The following CA9 variants were observed in gnomAD, a reference collection of about 807,000 sequenced individuals.
CA9 encodes carbonic anhydrase 9.
A neutral mutation model predicts 51.8 loss-of-function variants in CA9; 43 were observed. The ratio of observed to expected loss-of-function variants is 0.83; its 90% CI spans 0.65 to 1.07. The LOEUF is 1.07. Among genes scored for constraint, CA9 ranks in the 50% least tolerant of loss-of-function variants. CA9 has a pLI of 0.00. For synonymous variants in CA9, 253 were observed against 244.2 expected (o/e 1.04, Z -0.34); for missense variants, 574 against 581.4 (o/e 0.99, Z 0.13).
chr9:35,680,902 G>C, intron 10 of CA9, 63 bp from the exon 11 acceptor site: 1 of 1,607,732 alleles, frequency 6.2e-7, no homozygotes, highest in Admixed American at 1.7e-5. Context: ...CATGCAAAGC[G>C]CATGCAAATG....
Position 35,679,069 on chromosome 9 carries a change from A to G in CA9, c.908-116A>G. ...TGGGAAGGGCCTGCACTTAGCGAAG[A>G]AGTGGTCTCAGAGTTGAGTTACCTT... On this transcript the variant is annotated intron_variant, in intron 6 of 10. Coordinates refer to ENST00000378357, the MANE Select transcript of CA9 (RefSeq NM_001216.3). 4 of 1,088,530 alleles carry G rather than the reference A, an allele frequency of 3.7e-6. No individual in the cohort carries two copies. In the South Asian group the frequency reaches 5.5e-5, roughly 15 times the overall value. The allele number at this position is 1,088,530 out of a possible 1,614,324, so 67.4% of individuals were successfully genotyped here. A position where few individuals can be genotyped will look rare whatever the true frequency, so the allele number is the denominator to read the frequency against.
At position 35,674,189 on chromosome 9, in the gene CA9, C is replaced by CACCCGGAGAGGAGGATCT. The variant is rs1563921573; in HGVS notation, c.234_251dup (p.Gly91_Pro96dup). ...GAGGATTCACCCAGAGAGGAGGATC[C>CACCCGGAGAGGAGGATCT]ACCCGGAGAGGAGGATCTACCTGGA... On this transcript the variant is annotated inframe_insertion, in exon 1 of 11. Coordinates refer to ENST00000378357, the MANE Select transcript of CA9 (RefSeq NM_001216.3). 19 of 1,613,800 alleles carry CACCCGGAGAGGAGGATCT rather than the reference C, an allele frequency of 1.2e-5. No homozygotes were observed. The highest frequency in any genetic ancestry group is 1.6e-5 in the Non-Finnish European group (19 of 1,179,930).
At position 35,674,064 on chromosome 9, in the gene CA9, C is replaced by G; in HGVS notation, c.105C>G (p.Val35=). 1 of 1,614,192 alleles carries G rather than the reference C, an allele frequency of 6.2e-7. No individual in the cohort carries two copies. The highest frequency in any genetic ancestry group is 8.5e-7 in the Non-Finnish European group (1 of 1,180,022). ...LLLSLLLLVP[V]HPQRLPRMQE... Reference sequence around the variant, plus strand: ...TGTCACTGCTGCTTCTGGTGCCTGTCCATCCCCAGAGGTTGCCCCGGATGC... The same window carrying G: ...TGTCACTGCTGCTTCTGGTGCCTGTGCATCCCCAGAGGTTGCCCCGGATGC... Residue 35 remains valine, a synonymous_variant, in exon 1 of 11, where the codon GTC becomes GTG. Transcript: ENST00000378357.
Position 35,676,143 on chromosome 9 carries a change from C to G in CA9, c.684C>G (p.His228Gln). ...ACCGGGCTCTGCAGCTGCATCTGCA[C>G]TGGGGGGCTGCAGGTCGTCCGGGCT... ...REYRALQLHL[H>Q]WGAAGRPGSE... Residue 228 changes from histidine to glutamine, a missense_variant, in exon 4 of 11, where the codon CAC becomes CAG. Coordinates refer to ENST00000378357, the MANE Select transcript of CA9 (RefSeq NM_001216.3). 1 of 1,613,260 alleles carries G rather than the reference C, an allele frequency of 6.2e-7. No homozygotes were observed. The highest frequency in any genetic ancestry group is 1.7e-5 in the Admixed American group (1 of 59,878).
At chr9:35,680,209 C>T in intron 9 of CA9, 70 bp downstream of exon 9, 2 of 1,562,838 alleles carry the variant, frequency 1.3e-6, no homozygotes, top group Non-Finnish European at 1.8e-6. Context: ...CAGGGCTGCT[C>T]AGGACCGCCT....
chr9:35,678,262 C>T (rs1282821767), intron 6 of CA9, among the ~76,000 whole-genome samples: 2 of 149,870 alleles, frequency 1.3e-5, no homozygotes, highest in African/African-American at 4.9e-5. Flanking sequence ...AGGAGAATGG[C>T]ATGAACCCGG....
intron 1 of CA9, 156 bp downstream of exon 1, chr9:35,674,518 T>G: frequency 1.6e-6 from 1 of 619,360 alleles, no homozygotes; most frequent in Non-Finnish European, 2.7e-6. Context: ...CCATCCCCAC[T>G]CTCGGAGGTA....
chr9:35,676,076 T>A lies in CA9; in HGVS notation c.617T>A (p.Leu206Gln), dbSNP rs1308246836. 6.2e-7 allele frequency: 1 copy of A among 1,613,108 alleles called. No individual in the cohort carries two copies. The highest frequency in any genetic ancestry group is 2.2e-5 in the East Asian group (1 of 44,816). ...TCTCCCTACGCAGTGCAACTGACCC[T>A]GCCTCCTGGGCTAGAGATGGCTCTG... The part of the protein sequence containing the change: ...RNNGHSVQLT[L>Q]PPGLEMALGP... The change falls in exon 4 of 11, where the codon CTG (leucine) becomes CAG (glutamine). Residue 206 changes from leucine to glutamine, a missense_variant. Physicochemically the swap from Leu to Gln is moderately radical, Grantham distance 113. Coordinates refer to ENST00000378357, the MANE Select transcript of CA9 (RefSeq NM_001216.3).
chr9:35,680,063 C>T (rs752986687), intron 8 of CA9, 50 bp from the exon 9 acceptor site: 2 of 1,614,178 alleles, frequency 1.2e-6, no homozygotes, highest in Non-Finnish European at 1.7e-6. Flanking sequence ...GTGCCAGTGT[C>T]TGTCATTGGT....
Position 35,681,121 on chromosome 9 carries a change from C to A in CA9, c.*96C>A. 3.5e-6 allele frequency: 3 copies of A among 853,582 alleles called. No homozygotes were observed. Among genetic ancestry groups the A allele is most frequent in the South Asian group, 2.3e-5 (1 of 42,958 alleles). 52.9% of individuals were successfully genotyped at this position (853,582 alleles called of 1,614,324 possible). On this transcript the variant is annotated 3_prime_UTR_variant, in exon 11 of 11. Coordinates refer to ENST00000378357, the MANE Select transcript of CA9 (RefSeq NM_001216.3). Reference sequence around the variant, plus strand: ...TGCTCATTATGCCACTTCCTTTTAACTGCCAAGAAATTTTTTAAAATAAAT... The same window carrying A: ...TGCTCATTATGCCACTTCCTTTTAAATGCCAAGAAATTTTTTAAAATAAAT...
intron 9 of CA9, among the ~76,000 whole-genome samples, chr9:35,680,364 TC>T (rs68054422): frequency 2.6e-5 from 4 of 151,158 alleles, no homozygotes; most frequent in African/African-American, 7.3e-5. Context: ...CGCAAAACAA[TC>T]CCCCCCCTTT....
intron 4 of CA9, 43 bp from the exon 5 acceptor site, chr9:35,676,254 G>A: frequency 6.2e-7 from 1 of 1,613,744 alleles, no homozygotes. Flanking sequence ...GGGCGGAGCG[G>A]GGCCAGAGAC....
intron 5 of CA9, among the ~76,000 whole-genome samples, 182 bp from the exon 6 acceptor site, chr9:35,677,608 C>G (rs1462645642): frequency 6.6e-6 from 1 of 151,886 alleles, no homozygotes; most frequent in Non-Finnish European, 1.5e-5. Context: ...GAGGGAGACA[C>G]TGTCTCTAAA....
rs781282792 is a variant in CA9, at chr9:35,676,127, T to G, written c.668T>G (p.Leu223Arg). 3 of 1,613,716 alleles carry G rather than the reference T, an allele frequency of 1.9e-6. No individual in the cohort carries two copies. Among genetic ancestry groups the G allele is most frequent in the Non-Finnish European group, 2.5e-6 (3 of 1,179,840 alleles). The change falls in exon 4 of 11, where the codon CTG (leucine) becomes CGG (arginine). Residue 223 changes from leucine to arginine, a missense_variant. By Grantham distance (102) the Leu-to-Arg change is moderately radical. Coordinates refer to ENST00000378357, the MANE Select transcript of CA9 (RefSeq NM_001216.3). The part of the protein sequence containing the change: ...ALGPGREYRA[L>R]QLHLHWGAAG... ...GGTCCCGGGCGGGAGTACCGGGCTC[T>G]GCAGCTGCATCTGCACTGGGGGGCT...
Position 35,679,918 on chromosome 9 carries a change from C to T in CA9, c.1130C>T (p.Ala377Val), listed in dbSNP as rs565441140. ...GDSRLQLNFRATQPLNGRVIE... is the reference protein window; with the variant it reads ...GDSRLQLNFRVTQPLNGRVIE... ...TCTCGGCTACAGCTGAACTTCCGAG[C>T]GACGCAGCCTTTGAATGGGCGAGTG... The change falls in exon 8 of 11, where the codon GCG becomes GTG. Residue 377 changes from alanine (A) to valine (V), a missense_variant. By Grantham distance (64) the Ala-to-Val change is moderately conservative. Transcript: ENST00000378357. The T allele has an allele frequency of 1.3e-4, 211 of 1,613,766 alleles. 1 individual carries two copies. Among genetic ancestry groups the T allele is most frequent in the South Asian group, 7.2e-4 (66 of 91,070 alleles).
chr9:35,674,825 A>G (rs940399125), intron 1 of CA9: 4 of 161,556 alleles, frequency 2.5e-5, no homozygotes, highest in African/African-American at 9.6e-5. Context: ...AAGAAGGGAC[A>G]CAGCAGGTAG....
intron 1 of CA9, 39 bp from the exon 2 acceptor site, chr9:35,675,499 G>A: frequency 6.2e-7 from 1 of 1,612,966 alleles, no homozygotes; most frequent in Non-Finnish European, 8.5e-7. Flanking sequence ...AGGGATTGGG[G>A]CTCTAAGCTT....
Position 35,680,849 on chromosome 9 carries a change from C to CT in CA9, c.1319+18dup. Reference sequence around the variant, plus strand: ...AGGCAGCACAGGTATTACACTGACCCTTTCTTCAGGCACAAGCTTCCCCCA... The same window carrying CT: ...AGGCAGCACAGGTATTACACTGACCCTTTTCTTCAGGCACAAGCTTCCCCCA... On this transcript the variant is annotated intron_variant, in intron 10 of 10. Coordinates refer to ENST00000378357, the MANE Select transcript of CA9 (RefSeq NM_001216.3). 1 of 1,613,670 alleles carries CT rather than the reference C, an allele frequency of 6.2e-7. No individual in the cohort carries two copies. The highest frequency in any genetic ancestry group is 8.5e-7 in the Non-Finnish European group (1 of 1,179,502).
At chr9:35,676,461 C>A in intron 5 of CA9, 72 bp downstream of exon 5, 1 of 1,245,008 alleles carries the variant, frequency 8.0e-7, no homozygotes. Context: ...ATCGTGGAGC[C>A]AGAGACCCCA....
Sources: allele counts gnomAD v4.1 joint callset (sites outside exome capture counted in the v4.1 genomes callset), GRCh38; gene constraint gnomAD v4.1.1; transcripts MANE v1.5; gene names NCBI Gene and HGNC (gene_info 2026-07-23, HGNC 2026-07-21).